CNTN4: variants seen among roughly 807,000 people sequenced by gnomAD.
CNTN4 encodes contactin 4, also known as contactin-4.
CNTN4 carries 77 observed loss-of-function variants against 122.5 expected under a neutral mutation model. The observed-to-expected ratio is 0.63, with a 90% CI of 0.52 to 0.76. CNTN4 has a LOEUF of 0.76. CNTN4 is among the 30% of genes least tolerant of loss of function. The pLI is 0.00. For missense variants in CNTN4, 1,256 were observed against 1,259.1 expected (o/e 1.00, Z 0.04); for synonymous variants, 512 against 447.0 (o/e 1.15, Z -1.83).
At chr3:2,705,902 TATTA>T (rs1214041277) in intron 4 of CNTN4, among the ~76,000 whole-genome samples, 7 of 62,984 alleles carry the variant, frequency 1.1e-4, no homozygotes, top group African/African-American at 3.4e-4. Context: ...ATAAAATATA[TATTA>T]TATATAAAAT....
rs10546128 is a variant in CNTN4, at chr3:3,014,047, TACACACACAC to T, written c.1487-12024_1487-12015del. Among the ~76,000 whole-genome samples, 176 of 146,512 alleles carry T rather than the reference TACACACACAC, an allele frequency of 1.2e-3. 1 individual carries two copies. The highest frequency in any genetic ancestry group is 7.8e-3 in the Admixed American group (115 of 14,676). On this transcript the variant is annotated intron_variant, in intron 14 of 24. Transcript: ENST00000418658. ...TTATTGAGGAACAGACATTTAAATGTACACACACACACACACACACACACACACACACACA... is the reference window on the plus strand; with the variant it reads ...TTATTGAGGAACAGACATTTAAATGTACACACACACACACACACACACACA...
At chr3:2,378,973 G>C (rs1250075127) in intron 3 of CNTN4, among the ~76,000 whole-genome samples, 1 of 152,054 alleles carries the variant, frequency 6.6e-6, no homozygotes, top group Non-Finnish European at 1.5e-5. Context: ...AGTTTAATCA[G>C]TCACCATCCA....
intron 3 of CNTN4, among the ~76,000 whole-genome samples, chr3:2,529,777 G>T (rs13081495): frequency 0.12 from 17,946 of 151,408 alleles, 1,322 homozygotes; most frequent in Non-Finnish European, 0.18. Context: ...CATATGATGA[G>T]GAGGAGGAGG....
intron 2 of CNTN4, among the ~76,000 whole-genome samples, chr3:2,314,968 A>T (rs1402871149): frequency 6.6e-6 from 1 of 152,006 alleles, no homozygotes; most frequent in Non-Finnish European, 1.5e-5. Flanking sequence ...GAAAAAGAAA[A>T]ATTAATGCCC....
At chr3:2,768,529 A>G (rs1478475259) in intron 6 of CNTN4, among the ~76,000 whole-genome samples, 3 of 152,194 alleles carry the variant, frequency 2.0e-5, no homozygotes, top group South Asian at 2.1e-4. Flanking sequence ...TGATTTAAAC[A>G]TGGTGGACCA....
At chr3:2,727,160 A>G (rs1260479947) in intron 4 of CNTN4, among the ~76,000 whole-genome samples, 1 of 152,202 alleles carries the variant, frequency 6.6e-6, no homozygotes, top group African/African-American at 2.4e-5. Context: ...ATCAGAAGCC[A>G]TTTGGGTCAG....
In CNTN4 at chr3:2,916,742, G is replaced by A. The variant is rs1356759409; in HGVS notation, c.1208-8887G>A. Among the ~76,000 whole-genome samples the A allele has an allele frequency of 7.6e-5, 11 of 144,172 alleles. 1 individual carries two copies. Among genetic ancestry groups the A allele is most frequent in the African/African-American group, 2.2e-4 (8 of 35,860 alleles). 94.6% of individuals were successfully genotyped at this position (144,172 alleles called of 152,430 possible). On this transcript the variant is annotated intron_variant, in intron 12 of 24. Coordinates refer to ENST00000418658, the MANE Select transcript of CNTN4 (RefSeq NM_175607.3). ...ACACCTCCCAGACGGGGTGGCGGCC[G>A]GGCAGAGGGGCTCCTCACTTCCCAG...
intron 8 of CNTN4, among the ~76,000 whole-genome samples, chr3:2,881,142 C>A (rs2093904379): frequency 6.6e-6 from 1 of 152,186 alleles, no homozygotes; most frequent in African/African-American, 2.4e-5. Flanking sequence ...AGTCATCAGA[C>A]ACCCAGGGTT....
intron 4 of CNTN4, among the ~76,000 whole-genome samples, chr3:2,639,473 C>T (rs2082808899): frequency 1.3e-5 from 2 of 152,196 alleles, no homozygotes. Context: ...GCATCTTACG[C>T]ACTTCCCTCC....
intron 3 of CNTN4, among the ~76,000 whole-genome samples, chr3:2,510,021 C>A (rs1336495807): frequency 6.6e-6 from 1 of 152,164 alleles, no homozygotes; most frequent in Non-Finnish European, 1.5e-5. Context: ...CCTGCCCAAG[C>A]TGTCTTTTTT....
At chr3:2,330,778 G>A (rs2043686478) in intron 2 of CNTN4, among the ~76,000 whole-genome samples, 1 of 152,056 alleles carries the variant, frequency 6.6e-6, no homozygotes, top group African/African-American at 2.4e-5. Context: ...GTTAGACTCT[G>A]GCATTCTATA....
At chr3:2,574,181 A>T (rs544933353) in intron 4 of CNTN4, among the ~76,000 whole-genome samples, 1 of 152,228 alleles carries the variant, frequency 6.6e-6, no homozygotes, top group Non-Finnish European at 1.5e-5. Flanking sequence ...ACGCCACTGC[A>T]CTCCAGCCTG....
At position 2,602,991 on chromosome 3, in the gene CNTN4, G is replaced by A. The variant is rs373981334; in HGVS notation, c.55+31433G>A. 6.1e-4 allele frequency among the ~76,000 whole-genome samples: 93 copies of A among 152,188 alleles called. No homozygotes were observed. In the South Asian group the frequency reaches 0.012, roughly 19 times the overall value. On this transcript the variant is annotated intron_variant, in intron 4 of 24. Transcript: ENST00000418658. ...GTTTAACTCTCAGGGTGGCTTAGGT[G>A]GCTTAGTAAATACAATTATGAGAGG...
intron 3 of CNTN4, among the ~76,000 whole-genome samples, chr3:2,372,105 A>G (rs1462845111): frequency 1.3e-5 from 2 of 152,248 alleles, no homozygotes; most frequent in Admixed American, 6.5e-5. Flanking sequence ...TGCTTAGAAT[A>G]GGAAAGTTGC....
chr3:2,626,297 T>C (rs1052447246), intron 4 of CNTN4, among the ~76,000 whole-genome samples: 6 of 151,898 alleles, frequency 4.0e-5, no homozygotes, highest in African/African-American at 1.5e-4. Flanking sequence ...ATCGAGACCA[T>C]CCTGGCTAAC....
At chr3:2,318,263 T>C (rs2043177702) in intron 2 of CNTN4, among the ~76,000 whole-genome samples, 1 of 150,840 alleles carries the variant, frequency 6.6e-6, no homozygotes, top group Non-Finnish European at 1.5e-5. Context: ...TATGTAATCA[T>C]GTGACTAGAC....
At chr3:2,438,528 A>G (rs952560107) in intron 3 of CNTN4, among the ~76,000 whole-genome samples, 1 of 151,082 alleles carries the variant, frequency 6.6e-6, no homozygotes. Context: ...TCTCAAAACA[A>G]CCCCCCCAAA....
At chr3:2,420,522 G>A (rs962231463) in intron 3 of CNTN4, among the ~76,000 whole-genome samples, 1 of 151,546 alleles carries the variant, frequency 6.6e-6, no homozygotes, top group East Asian at 1.9e-4. Flanking sequence ...TGCAACCTCT[G>A]CCTCCCAGGT....
intron 13 of CNTN4, among the ~76,000 whole-genome samples, chr3:2,968,422 T>G (rs1692546220): frequency 6.6e-6 from 1 of 152,340 alleles, no homozygotes. Context: ...GGTGAAGAAC[T>G]TGGCAGTTAT....
Sources: gnomAD v4.1 joint callset for allele counts (sites outside exome capture counted in the v4.1 genomes callset) on GRCh38, gnomAD v4.1.1 for gene constraint, MANE v1.5 for transcripts, NCBI Gene and HGNC (gene_info 2026-07-23, HGNC 2026-07-21) for gene names.